The following HMGN3 variants were observed in gnomAD, a reference collection of about 807,000 sequenced individuals.
HMGN3 encodes high mobility group nucleosome-binding domain-containing protein 3.
A neutral mutation model predicts 18.8 loss-of-function variants in HMGN3; 6 were observed. That is an observed-to-expected ratio of 0.32 (90% CI 0.18 to 0.63). HMGN3 has a LOEUF of 0.63. Ranked by LOEUF, HMGN3 falls within the 30% of genes least tolerant of loss-of-function variation. The probability of loss-of-function intolerance (pLI) is 0.79; values close to 1 mark genes in which losing one functional copy is unlikely to be tolerated. For synonymous variants in HMGN3, 40 were observed against 36.5 expected (o/e 1.10, Z -0.35); for missense variants, 107 against 114.2 (o/e 0.94, Z 0.29).
intron 2 of HMGN3, among the ~76,000 whole-genome samples, chr6:79,211,030 A>G (rs902928948): frequency 9.2e-5 from 14 of 151,392 alleles, no homozygotes; most frequent in Non-Finnish European, 2.1e-4. Context: ...AAAAAAAAAA[A>G]AAATGCCTAA....
chr6:79,232,216 G>C (rs188113406), intron 1 of HMGN3, among the ~76,000 whole-genome samples: 28 of 152,298 alleles, frequency 1.8e-4, no homozygotes, highest in Admixed American at 1.8e-3. Context: ...TGCATGGATT[G>C]TCTCCAGTTC....
At chr6:79,213,844 C>A (rs980793219) in intron 2 of HMGN3, among the ~76,000 whole-genome samples, 2 of 152,166 alleles carry the variant, frequency 1.3e-5, no homozygotes, top group African/African-American at 2.4e-5. Flanking sequence ...AATCAAAGAA[C>A]CTGTAACTAG....
At chr6:79,206,809 A>G (rs910205004) in intron 3 of HMGN3, among the ~76,000 whole-genome samples, 1 of 152,238 alleles carries the variant, frequency 6.6e-6, no homozygotes, top group Non-Finnish European at 1.5e-5. Flanking sequence ...CTGTGAAAGC[A>G]GCCAGGAGGG....
intron 1 of HMGN3, among the ~76,000 whole-genome samples, chr6:79,218,070 T>G (rs1777087228): frequency 1.3e-5 from 2 of 152,232 alleles, no homozygotes; most frequent in South Asian, 4.1e-4. Flanking sequence ...TATCCACGTC[T>G]GCAAGAGACG....
intron 1 of HMGN3, among the ~76,000 whole-genome samples, chr6:79,220,986 T>C (rs2127831083): frequency 6.6e-6 from 1 of 152,308 alleles, no homozygotes; most frequent in South Asian, 2.1e-4. Flanking sequence ...CTCCAATTTG[T>C]GAATTCTCAG....
chr6:79,224,753 T>C (rs1361018238), intron 1 of HMGN3, among the ~76,000 whole-genome samples: 2 of 152,186 alleles, frequency 1.3e-5, no homozygotes, highest in East Asian at 3.9e-4. Flanking sequence ...AGGTAAAAAG[T>C]GGCAGAATTC....
At chr6:79,209,878 C>A (rs1414757375) in intron 2 of HMGN3, among the ~76,000 whole-genome samples, 3 of 152,170 alleles carry the variant, frequency 2.0e-5, no homozygotes, top group Non-Finnish European at 4.4e-5. Flanking sequence ...ATACTTTTAA[C>A]CCTGGAGTCT....
intron 1 of HMGN3, among the ~76,000 whole-genome samples, chr6:79,222,031 G>A (rs747007338): frequency 7.9e-5 from 12 of 151,578 alleles, no homozygotes; most frequent in Non-Finnish European, 1.6e-4. Context: ...TACGACTTCA[G>A]CGAATTAGCT....
At chr6:79,234,555 C>A (rs779223716) in exon 1 of HMGN3, 32 of 1,611,638 alleles carry the variant, frequency 2.0e-5, no homozygotes, top group African/African-American at 1.3e-5. Flanking sequence ...CCTTTCTCTT[C>A]GGCATAATGA....
At chr6:79,215,333 G>T (rs1272187203) in intron 1 of HMGN3, among the ~76,000 whole-genome samples, 1 of 152,188 alleles carries the variant, frequency 6.6e-6, no homozygotes, top group Non-Finnish European at 1.5e-5. Context: ...AAAGAACAGG[G>T]GCCAGAGGTC....
intron 3 of HMGN3, 61 bp from the exon 4 acceptor site, chr6:79,203,691 A>G: frequency 7.8e-7 from 1 of 1,285,630 alleles, no homozygotes. Context: ...CAGCACCAAA[A>G]GAAACACAAA....
At position 79,221,009 on chromosome 6, in the gene HMGN3, A is replaced by G. The variant is rs77567016; in HGVS notation, c.16-5987T>C. On this transcript the variant is annotated intron_variant, in intron 1 of 5. Transcript: ENST00000344726. Reference sequence around the variant, plus strand: ...TGTGAATTCTCAGTGGTGGGTAAATAGGTATATTATATTATTTCCTGGATT... The same window carrying G: ...TGTGAATTCTCAGTGGTGGGTAAATGGGTATATTATATTATTTCCTGGATT... 4.4e-3 allele frequency among the ~76,000 whole-genome samples: 669 copies of G among 152,268 alleles called. 5 individuals carry two copies. The highest frequency in any genetic ancestry group is 0.016 in the African/African-American group (650 of 41,546).
At chr6:79,229,878 C>CA (rs879409600) in intron 1 of HMGN3, among the ~76,000 whole-genome samples, 117 of 139,832 alleles carry the variant, frequency 8.4e-4, no homozygotes, top group South Asian at 1.6e-3. Context: ...ACTCCGCCTC[C>CA]AAAAAAAAAA....
intron 1 of HMGN3, among the ~76,000 whole-genome samples, chr6:79,220,570 C>T (rs563570030): frequency 7.9e-5 from 12 of 152,286 alleles, no homozygotes; most frequent in Non-Finnish European, 1.5e-5. Flanking sequence ...CCTCAGCCTC[C>T]AGAGTAGCTG....
At chr6:79,233,818 C>G (rs892724486) in intron 1 of HMGN3, 25 of 152,408 alleles carry the variant, frequency 1.6e-4, no homozygotes, top group African/African-American at 5.5e-4. Context: ...GGGTTCCAGT[C>G]GCTGGGGAGG....
intron 2 of HMGN3, among the ~76,000 whole-genome samples, chr6:79,214,017 T>C (rs1776831131): frequency 6.6e-6 from 1 of 152,210 alleles, no homozygotes; most frequent in Non-Finnish European, 1.5e-5. Context: ...AGGTTCATAA[T>C]AATAACTGTG....
chr6:79,221,436 C>G (rs1274109588), intron 1 of HMGN3, among the ~76,000 whole-genome samples: 1 of 152,162 alleles, frequency 6.6e-6, no homozygotes, highest in African/African-American at 2.4e-5. Flanking sequence ...CTGAAGGGAT[C>G]AGAACTGTAT....
chr6:79,203,214 C>T (rs1295251776), intron 4 of HMGN3, among the ~76,000 whole-genome samples: 3 of 152,098 alleles, frequency 2.0e-5, no homozygotes, highest in Non-Finnish European at 2.9e-5. Flanking sequence ...CTGCGAAATC[C>T]AGTTAGATGA....
intron 2 of HMGN3, among the ~76,000 whole-genome samples, chr6:79,213,413 T>A (rs1223026039): frequency 1.3e-5 from 2 of 152,228 alleles, no homozygotes; most frequent in Admixed American, 1.3e-4. Context: ...CTAGGTTTTT[T>A]GACTGACAAA....
Sources: allele counts gnomAD v4.1 joint callset (sites outside exome capture counted in the v4.1 genomes callset), GRCh38; gene constraint gnomAD v4.1.1; transcripts MANE v1.5; gene names NCBI Gene and HGNC (gene_info 2026-07-23, HGNC 2026-07-21).